MEIOB: variants seen among roughly 807,000 people sequenced by gnomAD.
The protein encoded by MEIOB is meiosis-specific with OB domain-containing protein.
MEIOB carries 50 observed loss-of-function variants against 53.1 expected under a neutral mutation model. That is an observed-to-expected ratio of 0.94 (90% CI 0.75 to 1.19). The LOEUF (loss-of-function observed/expected upper bound fraction) is 1.19. Ranked by LOEUF, MEIOB falls within the 50% of genes most tolerant of loss-of-function variation. The pLI is 0.00. For synonymous variants in MEIOB, 192 were observed against 182.5 expected, an observed-to-expected ratio of 1.05 and a Z score of -0.42; for missense variants, 551 against 550.8, an observed-to-expected ratio of 1.00 and a Z score of 0.00.
intron 2 of MEIOB, among the ~76,000 whole-genome samples, chr16:1,867,456 GGTTTA>G (rs369477296): frequency 6.7e-5 from 9 of 134,422 alleles, no homozygotes; most frequent in African/African-American, 2.0e-4. Context: ...TGAACAAAAT[GGTTTA>G]ATTTTTTTTT....
At chr16:1,834,570 C>T (rs901473672) in intron 13 of MEIOB, among the ~76,000 whole-genome samples, 1 of 152,160 alleles carries the variant, frequency 6.6e-6, no homozygotes, top group Non-Finnish European at 1.5e-5. Context: ...CAGCTTCTGA[C>T]TGATTTTGTA....
At chr16:1,835,297 C>T (rs1898712963) in intron 13 of MEIOB, among the ~76,000 whole-genome samples, 1 of 151,712 alleles carries the variant, frequency 6.6e-6, no homozygotes, top group Non-Finnish European at 1.5e-5. Context: ...TGAAAAAGGG[C>T]TTAATGTGTG....
At chr16:1,862,743 C>A (rs1466237012) in intron 3 of MEIOB, among the ~76,000 whole-genome samples, 1 of 152,016 alleles carries the variant, frequency 6.6e-6, no homozygotes, top group Non-Finnish European at 1.5e-5. Context: ...CATGGTGAAA[C>A]CCTGTCTCTG....
intron 9 of MEIOB, among the ~76,000 whole-genome samples, chr16:1,850,465 A>G (rs1248943270): frequency 2.0e-5 from 3 of 151,992 alleles, no homozygotes; most frequent in Admixed American, 2.0e-4. Context: ...TGGGCAACCA[A>G]CCCAGGAGGC....
At chr16:1,852,700 C>T (rs1367288002) in intron 9 of MEIOB, among the ~76,000 whole-genome samples, 3 of 152,042 alleles carry the variant, frequency 2.0e-5, no homozygotes, top group South Asian at 2.1e-4. Flanking sequence ...GGATTACAGG[C>T]GCCCACCACC....
intron 6 of MEIOB, among the ~76,000 whole-genome samples, chr16:1,854,832 TA>T (rs535655501): frequency 0.011 from 1,568 of 137,740 alleles, 7 homozygotes; most frequent in African/African-American, 0.019. Context: ...TAAAGCAAGT[TA>T]AAAAAAAAAA....
In MEIOB at chr16:1,857,887, C is replaced by T. The variant is rs201418382; in HGVS notation, c.376G>A (p.Val126Ile). Residue 126 changes from valine to isoleucine, a missense_variant, in exon 6 of 14, where the codon GTT (valine) becomes ATT (isoleucine). Physicochemically the swap from Val to Ile is conservative, Grantham distance 29. Transcript: ENST00000325962. Reference protein sequence around the residue: ...LLSENHSTVKVCSSYEVDTKL... With the variant: ...LLSENHSTVKICSSYEVDTKL... ...GTGTCCACTTCATAACTGGAACAAA[C>T]TTTTACTGTTGAGTGATTCTCACTG... 5 of 1,551,012 alleles carry T rather than the reference C, an allele frequency of 3.2e-6. No individual in the cohort carries two copies. In the Admixed American group the frequency reaches 7.9e-5, roughly 24 times the overall value.
chr16:1,870,154 G>A (rs1240296881), intron 1 of MEIOB, among the ~76,000 whole-genome samples: 1 of 152,174 alleles, frequency 6.6e-6, no homozygotes, highest in African/African-American at 2.4e-5. Flanking sequence ...TTACAGGCGT[G>A]AGCCACTGAG....
chr16:1,866,824 C>T (rs1899605948), intron 2 of MEIOB, among the ~76,000 whole-genome samples: 1 of 152,156 alleles, frequency 6.6e-6, no homozygotes, highest in South Asian at 2.1e-4. Flanking sequence ...CTGATTTTAA[C>T]CTTACAATAA....
Position 1,860,270 on chromosome 16 carries a change from G to A in MEIOB, c.332+133C>T, listed in dbSNP as rs1261573988. On this transcript the variant is annotated intron_variant, in intron 5 of 13. Transcript: ENST00000325962. ...TATGTCATAATCAAAGATGAATTTT[G>A]TAAGAGAAAATTAAACTCCTCATTT... 46 of 510,746 alleles carry A rather than the reference G, an allele frequency of 9.0e-5. No homozygotes were observed. The Admixed American group carries it at 1.4e-3, about 16-fold the overall frequency. The allele number at this position is 510,746 out of a possible 1,614,324, so 31.6% of individuals were successfully genotyped here. A position where few individuals can be genotyped will look rare whatever the true frequency, so the allele number is the denominator to read the frequency against.
At chr16:1,846,513 T>C (rs189191099) in intron 9 of MEIOB, among the ~76,000 whole-genome samples, 242 of 152,226 alleles carry the variant, frequency 1.6e-3, no homozygotes, top group African/African-American at 5.5e-3. Flanking sequence ...GTAAAACTGA[T>C]ATAACTATTT....
In MEIOB at chr16:1,865,813, C is replaced by G. The variant is rs546964774; in HGVS notation, c.92G>C (p.Gly31Ala). 1.8e-5 allele frequency: 28 copies of G among 1,548,858 alleles called. No individual in the cohort carries two copies. In the East Asian group the frequency reaches 3.7e-4, roughly 20 times the overall value. The change falls in exon 3 of 14, where the codon GGG becomes GCG. Residue 31 changes from glycine to alanine, a missense_variant. Coordinates refer to ENST00000325962, the MANE Select transcript of MEIOB (RefSeq NM_001163560.3). Reference protein sequence around the residue: ...ANLKVIGIVIGKTDVKGFPDR... With the variant: ...ANLKVIGIVIAKTDVKGFPDR... Reference sequence around the variant, plus strand: ...TGGAAAGCCTTTGACATCTGTTTTCCCAATAACTATACCGATAACTTTCTG... The same window carrying G: ...TGGAAAGCCTTTGACATCTGTTTTCGCAATAACTATACCGATAACTTTCTG...
chr16:1,861,855 G>T, intron 4 of MEIOB, 130 bp downstream of exon 4: 1 of 976,816 alleles, frequency 1.0e-6, no homozygotes, highest in Non-Finnish European at 1.5e-6. Context: ...CTTAACACTT[G>T]ACTTTTTCTG....
At position 1,841,854 on chromosome 16, in the gene MEIOB, C is replaced by T; in HGVS notation, c.1000G>A (p.Asp334Asn). 5 of 1,596,766 alleles carry T rather than the reference C, an allele frequency of 3.1e-6. No homozygotes were observed. The highest frequency in any genetic ancestry group is 4.3e-6 in the Non-Finnish European group (5 of 1,173,082). Residue 334 changes from aspartate to asparagine, a missense_variant, in exon 11 of 14, where the codon GAT becomes AAT. Asp to Asn is a conservative substitution (Grantham distance 23). Coordinates refer to ENST00000325962, the MANE Select transcript of MEIOB (RefSeq NM_001163560.3). ...LYAYISTLNI[D>N]DETTKVVRNR... The stretch of plus-strand genomic sequence containing the variant: ...CGAACTACTTTTGTAGTTTCATCAT[C>T]AATGTTGAGTGTGGAAATGTAGGCA...
At chr16:1,860,513 AG>A (rs1162499714) in intron 4 of MEIOB, 38 bp from the exon 5 acceptor site, 4 of 1,182,336 alleles carry the variant, frequency 3.4e-6, no homozygotes, top group Non-Finnish European at 2.5e-6. Flanking sequence ...ATTACAAAAC[AG>A]TAACAAGATA....
chr16:1,857,916 A>G lies in MEIOB; in HGVS notation c.347T>C (p.Leu116Ser), dbSNP rs902313869. 1.9e-6 allele frequency: 3 copies of G among 1,545,024 alleles called. No homozygotes were observed. Among genetic ancestry groups the G allele is most frequent in the Non-Finnish European group, 2.6e-6 (3 of 1,143,200 alleles). The change falls in exon 6 of 14, where the codon TTG (leucine) becomes TCG (serine). Residue 116 changes from leucine to serine, a missense_variant. Leu to Ser is a moderately radical substitution (Grantham distance 145, BLOSUM62 -2). Coordinates refer to ENST00000325962, the MANE Select transcript of MEIOB (RefSeq NM_001163560.3). Reference protein sequence around the residue: ...SPATPSNCKLLLSENHSTVKV... With the variant: ...SPATPSNCKLSLSENHSTVKV... ...TACTGTTGAGTGATTCTCACTGAGCAACAGTTTACAGTTGCTAAATTGCAA... is the reference window on the plus strand; with the variant it reads ...TACTGTTGAGTGATTCTCACTGAGCGACAGTTTACAGTTGCTAAATTGCAA...
chr16:1,850,967 T>C (rs142484689), intron 9 of MEIOB, among the ~76,000 whole-genome samples: 85 of 152,094 alleles, frequency 5.6e-4, no homozygotes, highest in African/African-American at 1.9e-3. Context: ...AAACCATACA[T>C]AGTACCTCCC....
chr16:1,862,556 G>A (rs542259737), intron 3 of MEIOB, among the ~76,000 whole-genome samples: 2 of 152,270 alleles, frequency 1.3e-5, no homozygotes, highest in South Asian at 4.1e-4. Context: ...AAAGTTCAAG[G>A]CTTCAGCGAA....
At chr16:1,853,422 C>A (rs180842353) in intron 7 of MEIOB, among the ~76,000 whole-genome samples, 151 bp from the exon 8 acceptor site, 70 of 152,336 alleles carry the variant, frequency 4.6e-4, no homozygotes, top group African/African-American at 1.7e-3. Flanking sequence ...AGCATGCCAG[C>A]TTCCTCCTAG....
Sources: gnomAD v4.1 joint callset for allele counts (sites outside exome capture counted in the v4.1 genomes callset) on GRCh38, gnomAD v4.1.1 for gene constraint, MANE v1.5 for transcripts, NCBI Gene and HGNC (gene_info 2026-07-23, HGNC 2026-07-21) for gene names.